NAALADL2: variants seen among roughly 807,000 people sequenced by gnomAD.
The protein encoded by NAALADL2 is inactive N-acetylated-alpha-linked acidic dipeptidase-like protein 2.
A neutral mutation model predicts 87.2 loss-of-function variants in NAALADL2; 76 were observed. That is an observed-to-expected ratio of 0.87 (90% CI 0.72 to 1.05). The LOEUF is 1.05. NAALADL2 is among the 50% of genes least tolerant of loss of function. The probability of loss-of-function intolerance (pLI) is 0.00; values close to 1 mark genes in which losing one functional copy is unlikely to be tolerated. For synonymous variants in NAALADL2, 354 were observed against 331.0 expected (o/e 1.07, Z -0.75); for missense variants, 1,089 against 945.8 (o/e 1.15, Z -1.99).
At chr3:174,808,019 T>G (rs1210539441) in intron 3 of NAALADL2, among the ~76,000 whole-genome samples, 4 of 152,054 alleles carry the variant, frequency 2.6e-5, no homozygotes, top group Admixed American at 1.3e-4. Flanking sequence ...GGCTTTTGAA[T>G]TTGTATATTG....
At chr3:174,864,254 C>G (rs1444469421) in intron 1 of NAALADL2, among the ~76,000 whole-genome samples, 6 of 151,956 alleles carry the variant, frequency 3.9e-5, no homozygotes. Flanking sequence ...ACTAACTGAG[C>G]TTATGAGCTA....
At chr3:175,266,851 C>G (rs1752010192) in intron 4 of NAALADL2, among the ~76,000 whole-genome samples, 1 of 151,636 alleles carries the variant, frequency 6.6e-6, no homozygotes, top group Non-Finnish European at 1.5e-5. Flanking sequence ...AATAGTACAA[C>G]CTGGTGAAGG....
At chr3:175,703,214 T>G (rs1739219123) in intron 11 of NAALADL2, among the ~76,000 whole-genome samples, 3 of 152,242 alleles carry the variant, frequency 2.0e-5, no homozygotes, top group South Asian at 4.1e-4. Flanking sequence ...TGTGAACAGA[T>G]TTTTCTTTTT....
At chr3:174,551,408 T>A (rs941572387) in intron 2 of NAALADL2, 1 of 152,222 alleles carries the variant, frequency 6.6e-6, no homozygotes, top group Non-Finnish European at 1.5e-5. Flanking sequence ...GTTATTCAGA[T>A]AATTGTTTAT....
intron 4 of NAALADL2, chr3:175,257,032 A>G (rs1750084209): frequency 6.6e-6 from 1 of 152,104 alleles, no homozygotes; most frequent in Non-Finnish European, 1.5e-5. Context: ...TTTTAATTAA[A>G]ATATAATTGC....
intron 3 of NAALADL2, among the ~76,000 whole-genome samples, chr3:175,239,743 C>T (rs1436856246): frequency 2.0e-5 from 3 of 152,170 alleles, no homozygotes; most frequent in Admixed American, 2.0e-4. Flanking sequence ...AGTTCAACAG[C>T]CCAGACTAGC....
In NAALADL2 at chr3:174,819,058, C is replaced by CTTTTTTT. The variant is rs3040106; in HGVS notation, c.-9+81334_-9+81340dup. Reference sequence around the variant, plus strand: ...GAATTTCTTTATTATACCATTTATTCTTTTTTTTTTTTTTTTTTTTTTTTT... The same window carrying CTTTTTTT: ...GAATTTCTTTATTATACCATTTATTCTTTTTTTTTTTTTTTTTTTTTTTTTTTTTTTT... On this transcript the variant is annotated intron_variant, in intron 3 of 3. Transcript: ENST00000434257. 1.5e-3 allele frequency among the ~76,000 whole-genome samples: 72 copies of CTTTTTTT among 47,546 alleles called. 3 individuals are homozygous for CTTTTTTT. The highest frequency in any genetic ancestry group is 1.8e-3 in the Non-Finnish European group (45 of 25,124). The allele number at this position is 47,546 out of a possible 152,430, so 31.2% of individuals were successfully genotyped here. A position where few individuals can be genotyped will look rare whatever the true frequency, so the allele number is the denominator to read the frequency against.
rs562684139 is a variant in NAALADL2 at position 175,698,421 on chromosome 3, A to G, written c.1897-38885A>G. 3.9e-5 allele frequency among the ~76,000 whole-genome samples: 2 copies of G among 50,728 alleles called. 1 individual carries two copies. The highest frequency in any genetic ancestry group is 6.9e-4 in the African/African-American group (2 of 2,898). 33.3% of individuals were successfully genotyped at this position (50,728 alleles called of 152,430 possible). On this transcript the variant is annotated intron_variant, in intron 11 of 13. Coordinates refer to ENST00000454872, the MANE Select transcript of NAALADL2 (RefSeq NM_207015.3). ...TGTATGTGTATTTATGTATGTATACATATGTATGTGTATATATTTATGTAT... is the reference window on the plus strand; with the variant it reads ...TGTATGTGTATTTATGTATGTATACGTATGTATGTGTATATATTTATGTAT...
intron 3 of NAALADL2, among the ~76,000 whole-genome samples, chr3:174,842,044 C>T (rs1724078035): frequency 7.3e-6 from 1 of 137,750 alleles, no homozygotes; most frequent in Admixed American, 7.7e-5. Context: ...GTTAAATGTA[C>T]ATTTAAACTT....
chr3:175,789,957 C>G (rs932247114), intron 13 of NAALADL2, among the ~76,000 whole-genome samples: 1 of 151,972 alleles, frequency 6.6e-6, no homozygotes, highest in Non-Finnish European at 1.5e-5. Flanking sequence ...ATTGTTTAAA[C>G]ACATAGTGAC....
chr3:175,381,006 G>C (rs1767721423), intron 5 of NAALADL2, among the ~76,000 whole-genome samples: 1 of 151,950 alleles, frequency 6.6e-6, no homozygotes, highest in South Asian at 2.1e-4. Context: ...CATTTGTTAT[G>C]AGAATATGTC....
At chr3:174,816,534 A>C (rs1189284278) in intron 3 of NAALADL2, among the ~76,000 whole-genome samples, 1 of 148,008 alleles carries the variant, frequency 6.8e-6, no homozygotes, top group African/African-American at 2.5e-5. Context: ...ATTATATATA[A>C]TTTTTAATAT....
At chr3:174,743,266 C>G (rs9827039) in intron 3 of NAALADL2, among the ~76,000 whole-genome samples, 1 of 151,484 alleles carries the variant, frequency 6.6e-6, no homozygotes. Context: ...TTTTGTTTCT[C>G]TGAATTTATC....
At chr3:175,665,671 G>T (rs897860582) in intron 11 of NAALADL2, among the ~76,000 whole-genome samples, 20 of 152,122 alleles carry the variant, frequency 1.3e-4, no homozygotes, top group African/African-American at 4.8e-4. Flanking sequence ...GATGGCTCAC[G>T]CCTGTAATCC....
At chr3:175,419,078 G>C (rs1030563322) in intron 5 of NAALADL2, among the ~76,000 whole-genome samples, 3 of 151,370 alleles carry the variant, frequency 2.0e-5, no homozygotes, top group Non-Finnish European at 4.4e-5. Context: ...CTAGCTCACA[G>C]ACCTGTCAAG....
intron 11 of NAALADL2, among the ~76,000 whole-genome samples, chr3:175,720,032 A>T (rs752224714): frequency 5.9e-5 from 9 of 152,186 alleles, no homozygotes; most frequent in Non-Finnish European, 1.3e-4. Context: ...GGGGGTTAGA[A>T]TTTCAACATA....
chr3:175,148,229 T>C (rs181587404), intron 2 of NAALADL2, among the ~76,000 whole-genome samples: 2 of 151,786 alleles, frequency 1.3e-5, no homozygotes, highest in East Asian at 3.9e-4. Context: ...AACATTTTTG[T>C]TGTCTGCTTG....
intron 2 of NAALADL2, among the ~76,000 whole-genome samples, chr3:174,659,338 G>T (rs936664090): frequency 2.0e-5 from 3 of 152,126 alleles, no homozygotes; most frequent in Non-Finnish European, 4.4e-5. Context: ...GAATTTTTCT[G>T]TATGAATATA....
At chr3:175,315,441 T>C (rs1650890622) in intron 4 of NAALADL2, among the ~76,000 whole-genome samples, 1 of 152,182 alleles carries the variant, frequency 6.6e-6, no homozygotes, top group Non-Finnish European at 1.5e-5. Flanking sequence ...TTAGGAATTA[T>C]CAGTAATGGA....
Sources: allele counts gnomAD v4.1 joint callset (sites outside exome capture counted in the v4.1 genomes callset), GRCh38; gene constraint gnomAD v4.1.1; transcripts MANE v1.5; gene names NCBI Gene and HGNC (gene_info 2026-07-23, HGNC 2026-07-21).